TLR5: variants seen among roughly 807,000 people sequenced by gnomAD.
TLR5 encodes toll-like receptor 5.
For synonymous variants in TLR5, 373 were observed against 384.4 expected, an observed-to-expected ratio of 0.97 and a Z score of 0.35; for missense variants, 944 against 999.8, an observed-to-expected ratio of 0.94 and a Z score of 0.75.
chr1:223,113,632 A>G (rs1339604580), intron 5 of TLR5, among the ~76,000 whole-genome samples: 2 of 152,174 alleles, frequency 1.3e-5, no homozygotes, highest in Non-Finnish European at 2.9e-5. Context: ...CTAAATTAAA[A>G]TAAAAATATA....
chr1:223,130,162 G>A (rs181821824), intron 5 of TLR5, among the ~76,000 whole-genome samples: 93 of 152,222 alleles, frequency 6.1e-4, no homozygotes, highest in Admixed American at 2.1e-3. Context: ...TCTGTGACTG[G>A]CCATTCAGAA....
chr1:223,110,866 T>C lies in TLR5; in HGVS notation c.2166A>G (p.Gln722=). The part of the protein sequence containing the change: ...LKHLDTQYSD[Q]NRFNLCFEER... ...CTTCAAAGCACAGGTTGAATCTGTT[T>C]TGGTCACTGTATTGAGTGTCCAGGT... Residue 722 remains glutamine (Q), a synonymous_variant, in exon 6 of 6, where the codon CAA becomes CAG. Coordinates refer to ENST00000642603, the MANE Select transcript of TLR5 (RefSeq NM_003268.6). 1 of 1,614,274 alleles carries C rather than the reference T, an allele frequency of 6.2e-7. No individual in the cohort carries two copies. The highest frequency in any genetic ancestry group is 8.5e-7 in the Non-Finnish European group (1 of 1,180,044).
At chr1:223,118,855 G>A (rs1053685139) in intron 5 of TLR5, among the ~76,000 whole-genome samples, 1 of 152,080 alleles carries the variant, frequency 6.6e-6, no homozygotes, top group Non-Finnish European at 1.5e-5. Context: ...TGTAACCCCA[G>A]CACTTTGGGA....
intron 5 of TLR5, among the ~76,000 whole-genome samples, chr1:223,119,681 C>T (rs1246507512): frequency 6.6e-6 from 1 of 151,932 alleles, no homozygotes; most frequent in African/African-American, 2.4e-5. Context: ...CACAACAGGC[C>T]TGGCACAGTG....
chr1:223,115,285 T>C (rs1656570547), intron 5 of TLR5, among the ~76,000 whole-genome samples: 1 of 152,204 alleles, frequency 6.6e-6, no homozygotes, highest in African/African-American at 2.4e-5. Flanking sequence ...GGTCTCACAC[T>C]GTCACCCAGG....
At chr1:223,129,049 C>T (rs951690203) in intron 5 of TLR5, 2 of 152,280 alleles carry the variant, frequency 1.3e-5, no homozygotes, top group African/African-American at 4.8e-5. Context: ...TCCCTGAAGG[C>T]CTTGAAAGTG....
chr1:223,118,262 A>G (rs1656776553), intron 5 of TLR5, among the ~76,000 whole-genome samples: 1 of 152,184 alleles, frequency 6.6e-6, no homozygotes, highest in Admixed American at 6.5e-5. Context: ...AGTTATCAAT[A>G]GAGGCCAGGC....
At chr1:223,123,760 A>G (rs1657040755) in intron 5 of TLR5, 1 of 152,274 alleles carries the variant, frequency 6.6e-6, no homozygotes, top group African/African-American at 2.4e-5. Context: ...AATCCAATCT[A>G]AAGAGGAGAA....
At position 223,112,691 on chromosome 1, in the gene TLR5, G is replaced by C. The variant is rs369383147; in HGVS notation, c.341C>G (p.Ala114Gly). 3 of 1,614,104 alleles carry C rather than the reference G, an allele frequency of 1.9e-6. No individual in the cohort carries two copies. In the African/African-American group the frequency reaches 4.0e-5, roughly 22 times the overall value. Residue 114 changes from alanine to glycine, a missense_variant, in exon 6 of 6, where the codon GCT becomes GGT. Ala to Gly is a moderately conservative substitution (Grantham distance 60, BLOSUM62 0). Transcript: ENST00000642603. ...SSKIYFLHPDAFQGLFHLFEL... is the reference protein window; with the variant it reads ...SSKIYFLHPDGFQGLFHLFEL... ...AAACAGATGGAACAGTCCCTGAAAA[G>C]CATCTGGATGCAAGAAGTATATCTT... is the stretch of plus-strand genomic sequence containing the variant.
chr1:223,129,837 T>C (rs1340688597), intron 5 of TLR5, among the ~76,000 whole-genome samples: 1 of 152,216 alleles, frequency 6.6e-6, no homozygotes, highest in African/African-American at 2.4e-5. Context: ...AACTAACTAC[T>C]GTTCTCTAAA....
In TLR5 at chr1:223,131,777, C is replaced by T. The variant is rs1657404005; in HGVS notation, c.-5+698G>A. On this transcript the variant is annotated intron_variant, in intron 5 of 5. Transcript: ENST00000642603. The surrounding 1 kb of genome is among the most constrained non-coding windows in gnomAD (Gnocchi z 4.2). Reference sequence around the variant, plus strand: ...TTTTTGTTTTGTAGAGACAGGGTTCCACCATGTTGCCCAGACTGGTCTCGA... The same window carrying T: ...TTTTTGTTTTGTAGAGACAGGGTTCTACCATGTTGCCCAGACTGGTCTCGA... 6.6e-6 allele frequency among the ~76,000 whole-genome samples: 1 copy of T among 151,816 alleles called. No individual in the cohort carries two copies. The highest frequency in any genetic ancestry group is 2.4e-5 in the African/African-American group (1 of 41,318).
In TLR5 at chr1:223,112,847, G is replaced by A. The variant is rs769318464; in HGVS notation, c.185C>T (p.Thr62Ile). Reference protein sequence around the residue: ...LLSFNYIRTVTASSFPFLEQL... With the variant: ...LLSFNYIRTVIASSFPFLEQL... ...TTCCAGAAAGGGGAAGGATGAAGCA[G>A]TGACTGTCCTGATATAGTTGAAGCT... Residue 62 changes from threonine to isoleucine, a missense_variant, in exon 6 of 6, where the codon ACT (threonine) becomes ATT (isoleucine). Transcript: ENST00000642603. 1 of 1,613,702 alleles carries A rather than the reference G, an allele frequency of 6.2e-7. No individual in the cohort carries two copies. The highest frequency in any genetic ancestry group is 1.7e-5 in the Admixed American group (1 of 59,990).
chr1:223,140,579 A>G (rs1657799328), intron 2 of TLR5, among the ~76,000 whole-genome samples: 1 of 150,420 alleles, frequency 6.6e-6, no homozygotes, highest in Non-Finnish European at 1.5e-5. Context: ...TTAGAATGCT[A>G]TAAGAAGGGC....
At chr1:223,119,979 A>AAAATAAAAT (rs1419771818) in intron 5 of TLR5, among the ~76,000 whole-genome samples, 1 of 19,072 alleles carries the variant, frequency 5.2e-5, no homozygotes, top group African/African-American at 6.1e-4. Context: ...AAAATAAAAT[A>AAAATAAAAT]AATAAAATAA....
chr1:223,115,924 G>T (rs760169775), intron 5 of TLR5, among the ~76,000 whole-genome samples: 1 of 152,166 alleles, frequency 6.6e-6, no homozygotes, highest in South Asian at 2.1e-4. Flanking sequence ...CACATGGTAC[G>T]CATTCCAAAC....
intron 5 of TLR5, among the ~76,000 whole-genome samples, chr1:223,130,076 A>T (rs1240658737): frequency 6.6e-6 from 1 of 152,080 alleles, no homozygotes; most frequent in Admixed American, 6.5e-5. Context: ...ACCCTGAGAG[A>T]CTATCAAATG....
intron 5 of TLR5, among the ~76,000 whole-genome samples, chr1:223,123,336 T>C (rs1376927049): frequency 6.6e-6 from 1 of 152,202 alleles, no homozygotes; most frequent in East Asian, 1.9e-4. Flanking sequence ...CTTGAATTTG[T>C]GGTAAAGATA....
intron 5 of TLR5, chr1:223,123,763 G>C (rs1018463488): frequency 4.6e-5 from 7 of 152,260 alleles, no homozygotes; most frequent in African/African-American, 7.2e-5. Context: ...CCAATCTAAA[G>C]AGGAGAACCA....
intron 5 of TLR5, among the ~76,000 whole-genome samples, chr1:223,130,128 T>A (rs555380011): frequency 6.6e-6 from 1 of 152,264 alleles, no homozygotes; most frequent in Admixed American, 6.5e-5. Flanking sequence ...GGTAACCCTG[T>A]CAGGATGGAA....
Sources: gnomAD v4.1 joint callset for allele counts (sites outside exome capture counted in the v4.1 genomes callset) on GRCh38, gnomAD v4.1.1 for gene constraint, Gnocchi (gnomAD v3.1) non-coding constraint, MANE v1.5 for transcripts, NCBI Gene and HGNC (gene_info 2026-07-23, HGNC 2026-07-21) for gene names.